The following ADAMTS16 variants were observed in gnomAD, a reference collection of about 807,000 sequenced individuals.
ADAMTS16 encodes A disintegrin and metalloproteinase with thrombospondin motifs 16.
A neutral mutation model predicts 145.8 loss-of-function variants in ADAMTS16; 94 were observed. The observed-to-expected ratio is 0.64, with a 90% CI of 0.55 to 0.77. ADAMTS16 has a LOEUF of 0.77. Among genes scored for constraint, ADAMTS16 ranks in the 30% least tolerant of loss-of-function variants. The probability of loss-of-function intolerance (pLI) is 0.00; values close to 1 mark genes in which losing one functional copy is unlikely to be tolerated. For missense variants in ADAMTS16, 1,585 were observed against 1,591.5 expected, an observed-to-expected ratio of 1.00 and a Z score of 0.07; for synonymous variants, 659 against 604.3, an observed-to-expected ratio of 1.09 and a Z score of -1.33.
chr5:5,212,421 G>A lies in ADAMTS16; in HGVS notation c.1605+3175G>A, dbSNP rs529484117. Among the ~76,000 whole-genome samples, 10 of 152,058 alleles carry A rather than the reference G, an allele frequency of 6.6e-5. 1 individual carries two copies. In the South Asian group the frequency reaches 1.9e-3, roughly 28 times the overall value. On this transcript the variant is annotated intron_variant, in intron 10 of 22. Transcript: ENST00000274181. The stretch of plus-strand genomic sequence containing the variant: ...GACGGGGTTTCACCATGTTAGCCAG[G>A]ATGGTCTCGATCTGACATCATGATA...
At chr5:5,224,228 T>TAGTGATCC (rs1408515866) in intron 11 of ADAMTS16, among the ~76,000 whole-genome samples, 1 of 152,214 alleles carries the variant, frequency 6.6e-6, no homozygotes, top group Non-Finnish European at 1.5e-5. Flanking sequence ...TGAATTCTAC[T>TAGTGATCC]AGTGATCCAG....
chr5:5,174,583 A>G (rs1735137760), intron 3 of ADAMTS16, among the ~76,000 whole-genome samples: 1 of 151,786 alleles, frequency 6.6e-6, no homozygotes, highest in Non-Finnish European at 1.5e-5. Context: ...TAACTCTTAG[A>G]TTTGCCATTT....
intron 3 of ADAMTS16, among the ~76,000 whole-genome samples, chr5:5,177,177 G>A (rs980976347): frequency 1.3e-5 from 2 of 152,208 alleles, no homozygotes; most frequent in African/African-American, 4.8e-5. Context: ...AGTCCTTTCT[G>A]ATGGATTATG....
chr5:5,157,411 T>TA (rs5865594), intron 3 of ADAMTS16, among the ~76,000 whole-genome samples: 40,488 of 151,298 alleles, frequency 0.27, 5,838 homozygotes, highest in Middle Eastern at 0.4. Flanking sequence ...GGATAAAACT[T>TA]AAAAAAAAAT....
chr5:5,270,007 C>T (rs751621941), intron 18 of ADAMTS16, among the ~76,000 whole-genome samples: 2 of 152,136 alleles, frequency 1.3e-5, no homozygotes, highest in South Asian at 2.1e-4. Flanking sequence ...GCCCTCCATC[C>T]GATGGCACCC....
At chr5:5,302,913 G>A (rs1739846503) in intron 18 of ADAMTS16, among the ~76,000 whole-genome samples, 1 of 152,156 alleles carries the variant, frequency 6.6e-6, no homozygotes, top group African/African-American at 2.4e-5. Flanking sequence ...TGAAGGCTGA[G>A]TGGACAGGAA....
chr5:5,249,359 T>C (rs542542666), intron 17 of ADAMTS16, among the ~76,000 whole-genome samples: 113 of 152,270 alleles, frequency 7.4e-4, no homozygotes, highest in Non-Finnish European at 9.4e-4. Flanking sequence ...GAAGTAGATG[T>C]CTTATTACTG....
rs892039692 is a variant in ADAMTS16 at position 5,299,916 on chromosome 5, C to T, written c.2790-3352C>T. On this transcript the variant is annotated intron_variant, in intron 18 of 22. Coordinates refer to ENST00000274181, the MANE Select transcript of ADAMTS16 (RefSeq NM_139056.4). ...GAACCCTCAGACATTAGCACAGAAG[C>T]TTGCGTGGATTTTGACTCATTCATG... 8.5e-5 allele frequency among the ~76,000 whole-genome samples: 13 copies of T among 152,200 alleles called. No homozygotes were observed. The South Asian group carries it at 1.4e-3, about 17-fold the overall frequency.
intron 2 of ADAMTS16, chr5:5,142,347 A>G (rs2291112): frequency 0.54 from 82,863 of 152,136 alleles, 23,139 homozygotes; most frequent in South Asian, 0.65. Flanking sequence ...CTCCATGACA[A>G]CCACTTATCT....
At chr5:5,188,488 T>A (rs1735572604) in intron 6 of ADAMTS16, among the ~76,000 whole-genome samples, 3 of 152,070 alleles carry the variant, frequency 2.0e-5, no homozygotes, top group Non-Finnish European at 1.5e-5. Context: ...TGGGGAGGCA[T>A]TTTAGGCACA....
At chr5:5,313,979 GAGA>G (rs1207292750) in intron 21 of ADAMTS16, among the ~76,000 whole-genome samples, 1 of 152,230 alleles carries the variant, frequency 6.6e-6, no homozygotes, top group Non-Finnish European at 1.5e-5. Context: ...CTGCTGGATA[GAGA>G]AGGTGACCAT....
intron 17 of ADAMTS16, among the ~76,000 whole-genome samples, chr5:5,249,330 A>C (rs1363042144): frequency 4.6e-5 from 7 of 152,132 alleles, no homozygotes; most frequent in African/African-American, 1.7e-4. Flanking sequence ...TTTTTCCTAC[A>C]TGTGAGGCGG....
intron 2 of ADAMTS16, among the ~76,000 whole-genome samples, 156 bp downstream of exon 2, chr5:5,140,922 G>A (rs551218901): frequency 4.9e-4 from 74 of 151,660 alleles, no homozygotes; most frequent in South Asian, 3.1e-3. Context: ...CTGTATGAGC[G>A]AGCCCCGATG....
rs368811446 is a variant in ADAMTS16, at chr5:5,186,301, G to GGGGGGT, written c.963+51_963+52insGGGGTG. ...CCACCTGTGTCATTGCACTTCGTAG[G>GGGGGGT]GTGTGTGTGTGTGTGTGTGTGTGTG... On this transcript the variant is annotated intron_variant, in intron 5 of 22. Transcript: ENST00000274181. 27 of 987,474 alleles carry GGGGGGT rather than the reference G, an allele frequency of 2.7e-5. No individual in the cohort carries two copies. The African/African-American group carries it at 3.3e-4, about 12-fold the overall frequency. The allele number at this position is 987,474 out of a possible 1,614,324, so 61.2% of individuals were successfully genotyped here. A position where few individuals can be genotyped will look rare whatever the true frequency, so the allele number is the denominator to read the frequency against.
intron 17 of ADAMTS16, among the ~76,000 whole-genome samples, chr5:5,253,306 C>T (rs565435935): frequency 6.6e-5 from 10 of 152,254 alleles, no homozygotes; most frequent in South Asian, 4.2e-4. Context: ...TGGTACAGTC[C>T]GGTAAGGCGG....
chr5:5,239,213 C>G lies in ADAMTS16; in HGVS notation c.2217C>G (p.Asn739Lys), dbSNP rs202019608. The G allele has an allele frequency of 5.3e-5, 85 of 1,602,996 alleles. No homozygotes were observed. The East Asian group carries it at 1.8e-3, about 34-fold the overall frequency. Residue 739 changes from asparagine to lysine, a missense_variant, in exon 15 of 23, where the codon AAC (asparagine) becomes AAG (lysine). By Grantham distance (94) the Asn-to-Lys change is moderately conservative (BLOSUM62 0). Coordinates refer to ENST00000274181, the MANE Select transcript of ADAMTS16 (RefSeq NM_139056.4). ...DAVEDVCGVC[N>K]GNNSACTIHR... ...TTGAAGACGTCTGTGGGGTGTGTAA[C>G]GGGAATAACTCAGCCTGCACGATTC...
intron 3 of ADAMTS16, among the ~76,000 whole-genome samples, chr5:5,147,593 G>T (rs1395114900): frequency 1.3e-5 from 2 of 152,300 alleles, no homozygotes; most frequent in East Asian, 3.9e-4. Context: ...CTTGTAAGAA[G>T]TTTTTGGGTT....
chr5:5,210,059 G>T (rs1184144879), intron 10 of ADAMTS16, among the ~76,000 whole-genome samples: 1 of 152,122 alleles, frequency 6.6e-6, no homozygotes, highest in Non-Finnish European at 1.5e-5. Context: ...TTCCAGCTAT[G>T]TGCCAGAACT....
In ADAMTS16 at chr5:5,200,828, A is replaced by C. The variant is rs538958913; in HGVS notation, c.1451+559A>C. Among the ~76,000 whole-genome samples the C allele has an allele frequency of 2.6e-5, 4 of 152,268 alleles. No homozygotes were observed. The South Asian group carries it at 8.3e-4, about 32-fold the overall frequency. On this transcript the variant is annotated intron_variant, in intron 9 of 22. Transcript: ENST00000274181. Reference sequence around the variant, plus strand: ...CTAATATTCTGTAATCTTCAATAATATTTTTAGAAATTTTCTCTAAGCACT... The same window carrying C: ...CTAATATTCTGTAATCTTCAATAATCTTTTTAGAAATTTTCTCTAAGCACT...
Sources: allele counts gnomAD v4.1 joint callset (sites outside exome capture counted in the v4.1 genomes callset), GRCh38; gene constraint gnomAD v4.1.1; transcripts MANE v1.5; gene names NCBI Gene and HGNC (gene_info 2026-07-23, HGNC 2026-07-21).